The following BBX variants were observed in gnomAD, a reference collection of about 807,000 sequenced individuals.
BBX encodes the protein BBX high mobility group box domain containing, also known as HMG box transcription factor BBX.
A neutral mutation model predicts 100.2 loss-of-function variants in BBX; 30 were observed. The ratio of observed to expected loss-of-function variants is 0.30; its 90% confidence interval spans 0.22 to 0.41. BBX has a LOEUF of 0.41. Among genes scored for constraint, BBX ranks in the 10% least tolerant of loss-of-function variants. The pLI, the probability that BBX is intolerant of heterozygous loss-of-function variation, is 1.00. For missense variants in BBX, 1,023 were observed against 1,129.8 expected (o/e 0.91, Z 1.35); for synonymous variants, 376 against 388.1 (o/e 0.97, Z 0.37).
At chr3:107,565,069 CT>C (rs1167161160) in intron 2 of BBX, among the ~76,000 whole-genome samples, 2 of 152,046 alleles carry the variant, frequency 1.3e-5, no homozygotes, top group African/African-American at 4.8e-5. Flanking sequence ...TTCTCAGATA[CT>C]TTATAGTTTT....
At position 107,522,967 on chromosome 3, in the gene BBX, A is replaced by C. The variant is rs1277669770; in HGVS notation, c.-296A>C. On this transcript the variant is annotated 5_prime_UTR_variant, in exon 1 of 18. An upstream start codon of the reference 5' UTR is lost. Transcript: ENST00000325805. Reference sequence around the variant, plus strand: ...AGTGTTTTCAGTCTCTCCGGGTTGCATGTACTGTATGTGGAGCAGTGTACA... The same window carrying C: ...AGTGTTTTCAGTCTCTCCGGGTTGCCTGTACTGTATGTGGAGCAGTGTACA... 1 of 152,396 alleles carries C rather than the reference A, an allele frequency of 6.6e-6. No individual in the cohort carries two copies. Among genetic ancestry groups the C allele is most frequent in the Non-Finnish European group, 1.5e-5 (1 of 68,128 alleles). The allele number at this position is 152,396 out of a possible 1,614,324, so 9.4% of individuals were successfully genotyped here.
At chr3:107,622,917 GT>G (rs2055887757) in intron 2 of BBX, among the ~76,000 whole-genome samples, 1 of 152,134 alleles carries the variant, frequency 6.6e-6, no homozygotes, top group South Asian at 2.1e-4. Context: ...TCTTTTCAGT[GT>G]TATTTGAATT....
intron 3 of BBX, among the ~76,000 whole-genome samples, chr3:107,648,897 T>C (rs780361958): frequency 6.6e-6 from 1 of 152,208 alleles, no homozygotes. Context: ...TTATAGTTCC[T>C]TAAGATTGGG....
intron 2 of BBX, among the ~76,000 whole-genome samples, chr3:107,571,324 C>G (rs2051342780): frequency 6.6e-6 from 1 of 152,120 alleles, no homozygotes; most frequent in Non-Finnish European, 1.5e-5. Context: ...TGATCAGACA[C>G]CAATGAAACA....
At chr3:107,721,555 C>A (rs1209774884) in intron 5 of BBX, among the ~76,000 whole-genome samples, 2 of 151,946 alleles carry the variant, frequency 1.3e-5, no homozygotes, top group Admixed American at 6.6e-5. Context: ...GTTTGTGTTT[C>A]ACAACATTCC....
At chr3:107,678,732 GA>G (rs1288697308) in intron 3 of BBX, among the ~76,000 whole-genome samples, 2 of 150,806 alleles carry the variant, frequency 1.3e-5, no homozygotes, top group South Asian at 2.1e-4. Context: ...TTCTCAAGAA[GA>G]AAAAAAAAGT....
At chr3:107,711,292 G>A (rs1354799851) in intron 4 of BBX, 2 of 470,898 alleles carry the variant, frequency 4.2e-6, no homozygotes, top group Admixed American at 2.4e-5. Flanking sequence ...TAGAAGCTCA[G>A]TATAAGAACA....
chr3:107,694,775 A>C (rs2060457432), intron 3 of BBX, among the ~76,000 whole-genome samples: 2 of 151,736 alleles, frequency 1.3e-5, no homozygotes, highest in Non-Finnish European at 2.9e-5. Context: ...GAATGGTACC[A>C]ATTCCTCCTT....
At chr3:107,801,528 C>T (rs2070470595) in intron 17 of BBX, among the ~76,000 whole-genome samples, 2 of 152,144 alleles carry the variant, frequency 1.3e-5, no homozygotes, top group Admixed American at 1.3e-4. Flanking sequence ...CGTAAAAAGC[C>T]TGAGAGCAGG....
In BBX at chr3:107,611,075, ATAACT is replaced by A. The variant is rs912679700; in HGVS notation, c.-83-34756_-83-34752del. Among the ~76,000 whole-genome samples, 29 of 152,226 alleles carry A rather than the reference ATAACT, an allele frequency of 1.9e-4. 1 individual carries two copies. The highest frequency in any genetic ancestry group is 3.8e-4 in the African/African-American group (16 of 41,566). On this transcript the variant is annotated intron_variant, in intron 2 of 17. Coordinates refer to ENST00000325805, the MANE Select transcript of BBX (RefSeq NM_001142568.3). ...AGTTAGAACCTATTATTTTAAACTG[ATAACT>A]TAACACTGCTTGCCTAAACAAATAA...
At chr3:107,539,185 CTTTA>C (rs1043328780) in intron 2 of BBX, among the ~76,000 whole-genome samples, 64 of 152,180 alleles carry the variant, frequency 4.2e-4, no homozygotes, top group Non-Finnish European at 6.6e-4. Flanking sequence ...ATTGAATTAT[CTTTA>C]TTTTTTGCAA....
In BBX at chr3:107,659,806, T is replaced by C. The variant is rs2058349962; in HGVS notation, c.-10+13897T>C. On this transcript the variant is annotated intron_variant, in intron 3 of 17. Coordinates refer to ENST00000325805, the MANE Select transcript of BBX (RefSeq NM_001142568.3). ...AGATACAGAAGTGGTACCCTGGGTT[T>C]AGTGAGACTAGAAATGCTGTTCTAG... The C allele has an allele frequency of 2.5e-6, 3 of 1,190,408 alleles. No individual in the cohort carries two copies. The African/African-American group carries it at 4.8e-5, about 19-fold the overall frequency. The allele number at this position is 1,190,408 out of a possible 1,614,324, so 73.7% of individuals were successfully genotyped here. A position where few individuals can be genotyped will look rare whatever the true frequency, so the allele number is the denominator to read the frequency against.
intron 2 of BBX, among the ~76,000 whole-genome samples, chr3:107,608,942 C>T (rs1220421966): frequency 6.6e-6 from 1 of 152,052 alleles, no homozygotes; most frequent in Non-Finnish European, 1.5e-5. Context: ...TTTATAAGTT[C>T]TAATAGTTTT....
At chr3:107,708,201 A>T (rs1484283903) in intron 3 of BBX, among the ~76,000 whole-genome samples, 2 of 152,216 alleles carry the variant, frequency 1.3e-5, no homozygotes, top group Non-Finnish European at 2.9e-5. Flanking sequence ...ATCTTCTCTT[A>T]TTAAGAGCAC....
At chr3:107,658,720 TTG>T (rs139059517) in intron 3 of BBX, among the ~76,000 whole-genome samples, 1,665 of 151,362 alleles carry the variant, frequency 0.011, 46 homozygotes, top group African/African-American at 0.038. Flanking sequence ...ATTTCTTTGT[TTG>T]TGTGTGTGTG....
chr3:107,556,039 C>A (rs536243397), intron 2 of BBX, among the ~76,000 whole-genome samples: 2 of 152,244 alleles, frequency 1.3e-5, no homozygotes, highest in Admixed American at 1.3e-4. Context: ...AGGTTGATGT[C>A]AGGGTTGAGA....
chr3:107,613,288 G>A (rs758271874), intron 2 of BBX, among the ~76,000 whole-genome samples: 1 of 149,654 alleles, frequency 6.7e-6, no homozygotes, highest in Non-Finnish European at 1.5e-5. Flanking sequence ...CCGGGTTCAC[G>A]CCATTCTCCT....
intron 2 of BBX, among the ~76,000 whole-genome samples, chr3:107,547,831 AT>A (rs1456198400): frequency 6.6e-6 from 1 of 151,282 alleles, no homozygotes; most frequent in African/African-American, 2.4e-5. Flanking sequence ...TATTTGACAA[AT>A]TTTGAGACTG....
At chr3:107,561,065 C>T (rs1019309123) in intron 2 of BBX, among the ~76,000 whole-genome samples, 3 of 152,130 alleles carry the variant, frequency 2.0e-5, no homozygotes, top group African/African-American at 7.2e-5. Flanking sequence ...TCGTGACAAT[C>T]AAAAATATCT....
Sources: gnomAD v4.1 joint callset for allele counts (sites outside exome capture counted in the v4.1 genomes callset) on GRCh38, gnomAD v4.1.1 for gene constraint, MANE v1.5 for transcripts, NCBI Gene and HGNC (gene_info 2026-07-23, HGNC 2026-07-21) for gene names.